Variants in DNAH9 observed in about 807,000 individuals in gnomAD.
DNAH9 encodes DNAH9 variant protein.
DNAH9 carries 345 observed loss-of-function variants against 471.6 expected under a neutral mutation model. The ratio of observed to expected loss-of-function variants is 0.73; its 90% confidence interval spans 0.67 to 0.80. The LOEUF (loss-of-function observed/expected upper bound fraction) is 0.80. Among genes scored for constraint, DNAH9 ranks in the 30% least tolerant of loss-of-function variants. The probability of loss-of-function intolerance (pLI) is 0.00; values close to 1 mark genes in which losing one functional copy is unlikely to be tolerated. For missense variants in DNAH9, 5,407 were observed against 5,609.2 expected (o/e 0.96, Z 1.15); for synonymous variants, 2,093 against 2,123.6 (o/e 0.99, Z 0.40).
At chr17:11,959,300 A>G (rs1176136783) in intron 67 of DNAH9, among the ~76,000 whole-genome samples, 1 of 152,212 alleles carries the variant, frequency 6.6e-6, no homozygotes, top group Non-Finnish European at 1.5e-5. Context: ...ATGGGGTCTC[A>G]TAAAACAAAG....
intron 45 of DNAH9, among the ~76,000 whole-genome samples, chr17:11,821,431 A>G (rs1970306064): frequency 6.6e-6 from 1 of 152,108 alleles, no homozygotes; most frequent in African/African-American, 2.4e-5. Context: ...CCATGAAGCC[A>G]TTCTGCTTTC....
chr17:11,940,469 A>AAT (rs1226775167), intron 66 of DNAH9, among the ~76,000 whole-genome samples: 2 of 152,198 alleles, frequency 1.3e-5, no homozygotes, highest in African/African-American at 4.8e-5. Flanking sequence ...TCCAGAGAAA[A>AAT]ATATATATAT....
intron 13 of DNAH9, among the ~76,000 whole-genome samples, chr17:11,651,655 T>G (rs1003820258): frequency 6.6e-6 from 1 of 152,190 alleles, no homozygotes. Context: ...TATTTAATTT[T>G]CTTAACTAGA....
chr17:11,662,394 A>G (rs1299826247), intron 14 of DNAH9, among the ~76,000 whole-genome samples: 1 of 151,900 alleles, frequency 6.6e-6, no homozygotes, highest in Non-Finnish European at 1.5e-5. Flanking sequence ...TATCTGTGTT[A>G]TTTTCTGAGT....
intron 38 of DNAH9, among the ~76,000 whole-genome samples, chr17:11,778,329 C>CAAAAAAAAAAA (rs57983162): frequency 1.4e-4 from 7 of 48,640 alleles, no homozygotes; most frequent in East Asian, 1.5e-3. Context: ...GACTCCATCT[C>CAAAAAAAAAAA]AAAAAAAAAA....
At chr17:11,816,192 A>G (rs1970089031) in intron 45 of DNAH9, among the ~76,000 whole-genome samples, 2 of 152,324 alleles carry the variant, frequency 1.3e-5, no homozygotes, top group Middle Eastern at 3.4e-3. Flanking sequence ...AATTTATGAA[A>G]GGGAGAGACC....
At position 11,694,411 on chromosome 17, in the gene DNAH9, G is replaced by C; in HGVS notation, c.4836G>C (p.Leu1612=). 6.2e-7 allele frequency: 1 copy of C among 1,613,312 alleles called. No homozygotes were observed. Among genetic ancestry groups the C allele is most frequent in the Non-Finnish European group, 8.5e-7 (1 of 1,179,888 alleles). The change falls in exon 22 of 69, where the codon CTG becomes CTC. Residue 1612 remains leucine, a synonymous_variant. Transcript: ENST00000262442. ...PRFYFLSSSD[L]LDILSNGTAP... ...TTTACTTTCTCTCCTCCTCCGATCT[G>C]TTAGACATCCTTTCCAACGGCACAG... is the stretch of plus-strand genomic sequence containing the variant.
intron 25 of DNAH9, 109 bp from the exon 26 acceptor site, chr17:11,704,916 C>T (rs2074673225): frequency 2.3e-6 from 2 of 861,146 alleles, no homozygotes; most frequent in African/African-American, 3.3e-5. Context: ...GCATGCTGCA[C>T]ACTTTAGCAG....
chr17:11,764,133 T>C (rs1157978614), intron 36 of DNAH9, among the ~76,000 whole-genome samples: 2 of 152,152 alleles, frequency 1.3e-5, no homozygotes, highest in African/African-American at 2.4e-5. Flanking sequence ...GCATCTAGGA[T>C]TGGAAAACCA....
At chr17:11,919,450 G>A (rs1416007828) in intron 61 of DNAH9, among the ~76,000 whole-genome samples, 2 of 144,600 alleles carry the variant, frequency 1.4e-5, no homozygotes, top group Non-Finnish European at 3.0e-5. Flanking sequence ...AGCCGAGATT[G>A]TGCCACTGCA....
rs57248598 is a variant in DNAH9 at position 11,766,968 on chromosome 17, C to CA, written c.7171-1468dup. Among the ~76,000 whole-genome samples, 150 of 139,640 alleles carry CA rather than the reference C, an allele frequency of 1.1e-3. 1 individual carries two copies. Among genetic ancestry groups the CA allele is most frequent in the African/African-American group, 3.9e-3 (142 of 36,808 alleles). The allele number at this position is 139,640 out of a possible 152,430, so 91.6% of individuals were successfully genotyped here. A position where few individuals can be genotyped will look rare whatever the true frequency, so the allele number is the denominator to read the frequency against. On this transcript the variant is annotated intron_variant, in intron 36 of 68. Transcript: ENST00000262442. ...TGGGCAACAGAGCAAGACTCTGTCT[C>CA]AAAAAAAAAAAAAAAAAGAAAGAAA...
intron 28 of DNAH9, among the ~76,000 whole-genome samples, chr17:11,730,945 A>G (rs1225965524): frequency 0.045 from 260 of 5,722 alleles, 3 homozygotes; most frequent in Admixed American, 0.34. Context: ...GATGACGGTG[A>G]TGATGATGAT....
rs145145064 is a variant in DNAH9, at chr17:11,827,193, A to T, written c.9246+4159A>T. On this transcript the variant is annotated intron_variant, in intron 48 of 68. Transcript: ENST00000262442. ...GATGATTTCAACAAACTGAACTCTC[A>T]ATCCAGCATCACCCACTACCTCTTG... Among the ~76,000 whole-genome samples the T allele has an allele frequency of 3.3e-3, 500 of 152,270 alleles. 3 individuals carry two copies. Among genetic ancestry groups the T allele is most frequent in the African/African-American group, 0.011 (474 of 41,566 alleles).
chr17:11,828,333 C>T (rs962623417), intron 48 of DNAH9, among the ~76,000 whole-genome samples: 1 of 151,970 alleles, frequency 6.6e-6, no homozygotes. Flanking sequence ...AATAGCCAGG[C>T]ATGGTGGCAT....
intron 38 of DNAH9, among the ~76,000 whole-genome samples, chr17:11,775,695 C>T (rs1203647965): frequency 6.7e-6 from 1 of 149,512 alleles, no homozygotes; most frequent in African/African-American, 2.5e-5. Flanking sequence ...AGCTCCGCCT[C>T]CTGGGTTCAC....
In DNAH9 at chr17:11,599,024, A is replaced by C. The variant is rs56035413; in HGVS notation, c.417+109A>C. The C allele has an allele frequency of 5.3e-3, 4,840 of 913,820 alleles. 32 individuals are homozygous for C. The highest frequency in any genetic ancestry group is 6.6e-3 in the Non-Finnish European group (4,316 of 656,760). The allele number at this position is 913,820 out of a possible 1,614,324, so 56.6% of individuals were successfully genotyped here. A position where few individuals can be genotyped will look rare whatever the true frequency, so the allele number is the denominator to read the frequency against. On this transcript the variant is annotated intron_variant, in intron 1 of 68. Coordinates refer to ENST00000262442, the MANE Select transcript of DNAH9 (RefSeq NM_001372.4). ...AGGGGGCGGGGCGAAGCTGCAGGGG[A>C]GGTCCAAGAGGCGGAGTGATAGGCA...
At position 11,932,037 on chromosome 17, in the gene DNAH9, G is replaced by A; in HGVS notation, c.12129G>A (p.Arg4043=). Reference sequence around the variant, plus strand: ...AGGACACTCTGGAGATGTGTTCTCGGGAGACGGAGTTTAAGAGCATCCTCT... The same window carrying A: ...AGGACACTCTGGAGATGTGTTCTCGAGAGACGGAGTTTAAGAGCATCCTCT... ...FTQDTLEMCS[R]ETEFKSILFA... Residue 4043 remains arginine (R), a synonymous_variant, in exon 64 of 69, where the codon CGG becomes CGA. Transcript: ENST00000262442. The surrounding 1 kb of genome is among the most constrained non-coding windows in gnomAD (Gnocchi z 4.3). 2 of 1,614,156 alleles carry A rather than the reference G, an allele frequency of 1.2e-6. No individual in the cohort carries two copies. Among genetic ancestry groups the A allele is most frequent in the African/African-American group, 1.3e-5 (1 of 75,046 alleles).
intron 61 of DNAH9, among the ~76,000 whole-genome samples, chr17:11,908,596 C>T (rs1307531799): frequency 6.6e-6 from 1 of 152,122 alleles, no homozygotes; most frequent in Non-Finnish European, 1.5e-5. Context: ...AAAAGTCAGT[C>T]GATATTGCAA....
At chr17:11,603,486 G>C (rs557821869) in intron 1 of DNAH9, among the ~76,000 whole-genome samples, 1 of 152,258 alleles carries the variant, frequency 6.6e-6, no homozygotes, top group African/African-American at 2.4e-5. Context: ...CGTTGCTAGA[G>C]GTAAACTGTT....
Sources: gnomAD v4.1 joint callset for allele counts (sites outside exome capture counted in the v4.1 genomes callset) on GRCh38, gnomAD v4.1.1 for gene constraint, Gnocchi (gnomAD v3.1) non-coding constraint, MANE v1.5 for transcripts, NCBI Gene and HGNC (gene_info 2026-07-23, HGNC 2026-07-21) for gene names.